The following STS variants were observed in gnomAD, a reference collection of about 807,000 sequenced individuals.
STS encodes steroid sulfatase, also known as steryl-sulfatase.
Under a neutral mutation model 26.8 loss-of-function variants are expected in STS, and 7 were observed. That is an observed-to-expected ratio of 0.26 (90% CI 0.15 to 0.49). The LOEUF (loss-of-function observed/expected upper bound fraction) is 0.49, where lower values mean the gene tolerates loss of function less well. Among genes scored for constraint, STS ranks in the 20% least tolerant of loss-of-function variants. The pLI is 0.98. For synonymous variants in STS, 199 were observed against 189.4 expected (o/e 1.05, Z -0.42); for missense variants, 434 against 465.6 (o/e 0.93, Z 0.63).
At chrX:7,190,649 A>G (rs1192350563) in intron 1 of STS, among the ~76,000 whole-genome samples, 3 of 109,939 alleles carry the variant, frequency 2.7e-5, no homozygotes, top group African/African-American at 9.9e-5. Context: ...GTGGTGGTAC[A>G]CCTGTAGTCC....
intron 7 of STS, among the ~76,000 whole-genome samples, chrX:7,283,218 A>G (rs1212189913): frequency 1.8e-5 from 2 of 111,886 alleles, no homozygotes; most frequent in African/African-American, 6.5e-5. Flanking sequence ...TCTGGTGCAC[A>G]GTGAGGATGG....
chrX:7,311,309 C>G (rs1926465370), intron 8 of STS, among the ~76,000 whole-genome samples: 1 of 110,942 alleles, frequency 9.0e-6, no homozygotes, highest in South Asian at 4.0e-4. Context: ...TATTGAATTT[C>G]TGAGGACTGA....
chrX:7,150,740 TAAA>T (rs1253920959), intron 1 of STS, among the ~76,000 whole-genome samples: 1 of 100,837 alleles, frequency 9.9e-6, no homozygotes. Context: ...CCTCTTTGCT[TAAA>T]AAAAAAAAAA....
intron 7 of STS, among the ~76,000 whole-genome samples, chrX:7,298,401 G>A (rs1399278256): frequency 9.0e-6 from 1 of 111,570 alleles, no homozygotes; most frequent in African/African-American, 3.3e-5. Flanking sequence ...CTAAAGTTTT[G>A]GAAATCTTGA....
At chrX:7,253,934 G>A (rs781440110) in intron 3 of STS, among the ~76,000 whole-genome samples, 3 of 112,652 alleles carry the variant, frequency 2.7e-5, no homozygotes, top group African/African-American at 6.5e-5. Context: ...CAGATTCAGC[G>A]TCTGGTGGGG....
intron 2 of STS, among the ~76,000 whole-genome samples, chrX:7,210,165 G>A (rs1460515104): frequency 1.8e-5 from 2 of 110,981 alleles, no homozygotes; most frequent in East Asian, 5.6e-4. Context: ...GGGTCAAATC[G>A]CATTTCTGGT....
At chrX:7,291,304 C>T (rs1925404052) in intron 7 of STS, among the ~76,000 whole-genome samples, 1 of 111,272 alleles carries the variant, frequency 9.0e-6, no homozygotes, top group Non-Finnish European at 1.9e-5. Context: ...GCATGCAGCG[C>T]CCGTGGTTTG....
In STS at chrX:7,334,030, G is replaced by C. The variant is rs762985027; in HGVS notation, c.1286G>C (p.Ser429Thr). The change falls in exon 10 of 11, where the codon AGC (serine) becomes ACC (threonine). Residue 429 changes from serine (S) to threonine (T), a missense_variant. Coordinates refer to ENST00000674429, the MANE Select transcript of STS (RefSeq NM_001320752.2). ...RDLMPLLEGK[S>T]QRSDHEFLFH... is the part of the protein sequence containing the mutation. ...CTGATGCCCCTGCTTGAAGGAAAAA[G>C]CCAACGCTCCGATCATGAGTTTCTC... 9 of 1,209,560 alleles carry C rather than the reference G, an allele frequency of 7.4e-6. No individual in the cohort carries two copies. In the African/African-American group the frequency reaches 1.6e-4, roughly 21 times the overall value.
In STS at chrX:7,325,083, G is replaced by C. The variant is rs145397960; in HGVS notation, c.1082-256G>C. Among the ~76,000 whole-genome samples, 409 of 111,649 alleles carry C rather than the reference G, an allele frequency of 3.7e-3. 1 individual carries two copies. Among genetic ancestry groups the C allele is most frequent in the African/African-American group, 0.013 (399 of 30,705 alleles). On this transcript the variant is annotated intron_variant, in intron 8 of 10. Transcript: ENST00000674429. ...TGGTGACTCAAATCTTTGTTGCGTT[G>C]AGTCCCTCTGATTACAAAGTTTTTG...
intron 6 of STS, among the ~76,000 whole-genome samples, chrX:7,271,084 G>A (rs1018725324): frequency 6.4e-5 from 7 of 108,989 alleles, no homozygotes; most frequent in African/African-American, 2.3e-4. Context: ...CCCAGTGCTG[G>A]GCATTTCAAT....
At chrX:7,226,632 G>T (rs1921818048) in intron 2 of STS, among the ~76,000 whole-genome samples, 1 of 111,691 alleles carries the variant, frequency 9.0e-6, no homozygotes, top group African/African-American at 3.3e-5. Context: ...GGTGGCTCAT[G>T]CCTGCAATCC....
At chrX:7,283,212 G>A (rs1422511551) in intron 7 of STS, among the ~76,000 whole-genome samples, 1 of 111,506 alleles carries the variant, frequency 9.0e-6, no homozygotes. Flanking sequence ...CTCACTTCTG[G>A]TGCACAGTGA....
chrX:7,298,813 A>G (rs978986700), intron 7 of STS, among the ~76,000 whole-genome samples: 1 of 108,621 alleles, frequency 9.2e-6, no homozygotes, highest in Non-Finnish European at 1.9e-5. Context: ...CTTGCTCACC[A>G]GCATAGCTTC....
chrX:7,290,877 A>G (rs1013616720), intron 7 of STS, among the ~76,000 whole-genome samples: 3 of 111,698 alleles, frequency 2.7e-5, no homozygotes, highest in Non-Finnish European at 3.8e-5. Flanking sequence ...AACATTCACT[A>G]TTGTTAGGAA....
chrX:7,266,440 G>A (rs1264481213), intron 6 of STS, among the ~76,000 whole-genome samples: 1 of 111,701 alleles, frequency 9.0e-6, no homozygotes, highest in South Asian at 3.7e-4. Flanking sequence ...TGTGGCCTGG[G>A]ATTCCAAGCA....
At chrX:7,212,868 T>A (rs1921091356) in intron 2 of STS, among the ~76,000 whole-genome samples, 1 of 112,285 alleles carries the variant, frequency 8.9e-6, no homozygotes. Flanking sequence ...CAATCTGAAG[T>A]GCCTTCTAAT....
chrX:7,231,800 G>A (rs188457767), intron 2 of STS, among the ~76,000 whole-genome samples: 8 of 106,250 alleles, frequency 7.5e-5, no homozygotes, highest in Non-Finnish European at 1.5e-4. Flanking sequence ...TTGCACGCTT[G>A]CAACGTATTT....
At chrX:7,271,478 C>G (rs1249178226) in intron 6 of STS, among the ~76,000 whole-genome samples, 3 of 110,971 alleles carry the variant, frequency 2.7e-5, no homozygotes, top group Admixed American at 9.7e-5. Flanking sequence ...GGCTCCATTT[C>G]AGCTCCTCCA....
chrX:7,160,285 A>T (rs1324922679), intron 1 of STS, among the ~76,000 whole-genome samples: 1 of 112,352 alleles, frequency 8.9e-6, no homozygotes, highest in Non-Finnish European at 1.9e-5. Context: ...GCGGAGTTTT[A>T]AATTCTCTTC....
Sources: gnomAD v4.1 joint callset for allele counts (sites outside exome capture counted in the v4.1 genomes callset) on GRCh38, gnomAD v4.1.1 for gene constraint, MANE v1.5 for transcripts, NCBI Gene and HGNC (gene_info 2026-07-23, HGNC 2026-07-21) for gene names.